CARNMT1: variants seen among roughly 807,000 people sequenced by gnomAD.
The protein encoded by CARNMT1 is protein-L-histidine N-pros-methyltransferase CARNMT1.
In CARNMT1, 28 loss-of-function variants were observed where a neutral mutation model predicts 49.6. That is an observed-to-expected ratio of 0.56 (90% CI 0.42 to 0.77). CARNMT1 has a LOEUF of 0.77. Among genes scored for constraint, CARNMT1 ranks in the 30% least tolerant of loss-of-function variants. The pLI is 0.00. For synonymous variants in CARNMT1, 178 were observed against 175.0 expected, an observed-to-expected ratio of 1.02 and a Z score of -0.13; for missense variants, 421 against 512.6, an observed-to-expected ratio of 0.82 and a Z score of 1.73.
chr9:75,001,019 G>A (rs35901445), intron 3 of CARNMT1, among the ~76,000 whole-genome samples: 4,899 of 151,918 alleles, frequency 0.032, 278 homozygotes, highest in East Asian at 0.26. Flanking sequence ...CAGACCCACC[G>A]AAACCCCTAC....
At chr9:74,992,269 C>T (rs1287671009) in intron 6 of CARNMT1, among the ~76,000 whole-genome samples, 1 of 149,072 alleles carries the variant, frequency 6.7e-6, no homozygotes, top group Non-Finnish European at 1.5e-5. Flanking sequence ...GAGACTCCAT[C>T]TAAAAAAAAA....
rs11144182 is a variant in CARNMT1 at position 75,000,123 on chromosome 9, C to G, written c.591-253G>C. ...AGAAAAAAGGAGTCCCCTTACATCT[C>G]AAGACTTATAAAGTCACTCATATTC... On this transcript the variant is annotated intron_variant, in intron 3 of 7. Coordinates refer to ENST00000376834, the MANE Select transcript of CARNMT1 (RefSeq NM_152420.3). 0.36 allele frequency among the ~76,000 whole-genome samples: 55,143 copies of G among 151,904 alleles called. 10,365 individuals are homozygous for G. Among genetic ancestry groups the G allele is most frequent in the East Asian group, 0.47 (2,406 of 5,166 alleles).
intron 2 of CARNMT1, chr9:75,016,701 T>A (rs963311430): frequency 8.3e-6 from 3 of 359,856 alleles, no homozygotes; most frequent in African/African-American, 6.3e-5. Flanking sequence ...ACTGAGCTGC[T>A]ATGGAGACCG....
intron 3 of CARNMT1, among the ~76,000 whole-genome samples, chr9:75,001,321 A>G (rs1833346835): frequency 6.6e-6 from 1 of 152,212 alleles, no homozygotes; most frequent in Admixed American, 6.5e-5. Context: ...ACATAATGTT[A>G]ACAACAATTA....
intron 1 of CARNMT1, among the ~76,000 whole-genome samples, chr9:75,023,012 T>C (rs747035832): frequency 2.2e-4 from 34 of 151,626 alleles, no homozygotes; most frequent in Admixed American, 5.9e-4. Flanking sequence ...CATGGTGGCA[T>C]GCGCCTGTAA....
chr9:75,015,545 G>A (rs1833819578), intron 3 of CARNMT1, among the ~76,000 whole-genome samples: 1 of 151,970 alleles, frequency 6.6e-6, no homozygotes, highest in Non-Finnish European at 1.5e-5. Flanking sequence ...CAGCACTTTG[G>A]GAGGAAGACA....
Position 74,983,771 on chromosome 9 carries a change from T to A in CARNMT1, c.1226A>T (p.Gln409Leu), listed in dbSNP as rs773375247. 2 of 1,592,264 alleles carry A rather than the reference T, an allele frequency of 1.3e-6. No individual in the cohort carries two copies. The highest frequency in any genetic ancestry group is 1.7e-6 in the Non-Finnish European group (2 of 1,166,958). ...AGGTGGTATCACTTGAGACCATTAT[T>A]GTGGCTTACGGACCACAAACAAGAC... ...ECVLFVVRKP[Q>L] Residue 409 changes from glutamine to leucine, a missense_variant, in exon 8 of 8, where the codon CAA (glutamine) becomes CTA (leucine). Around this residue, in one of 2 missense-constraint regions of CARNMT1, gnomAD observed 235 missense variants for 344.8 expected, o/e 0.68. Coordinates refer to ENST00000376834, the MANE Select transcript of CARNMT1 (RefSeq NM_152420.3).
chr9:75,015,787 A>AAAT (rs1833829190), intron 3 of CARNMT1: 2 of 149,044 alleles, frequency 1.3e-5, no homozygotes, highest in African/African-American at 4.9e-5. Context: ...CTGTCTCAAA[A>AAAT]AAATAAATAA....
intron 6 of CARNMT1, among the ~76,000 whole-genome samples, chr9:74,993,016 C>T (rs1833075329): frequency 6.6e-6 from 1 of 152,184 alleles, no homozygotes; most frequent in African/African-American, 2.4e-5. Flanking sequence ...CTCTTCGAGA[C>T]ATCTTAGTAT....
intron 6 of CARNMT1, among the ~76,000 whole-genome samples, chr9:74,989,251 C>T (rs1016943469): frequency 2.6e-5 from 4 of 152,060 alleles, no homozygotes; most frequent in African/African-American, 4.8e-5. Context: ...GCTGGGACTA[C>T]AGGCACAGGC....
intron 3 of CARNMT1, among the ~76,000 whole-genome samples, chr9:75,000,227 G>A (rs1272392224): frequency 1.3e-5 from 2 of 152,004 alleles, no homozygotes; most frequent in African/African-American, 2.4e-5. Flanking sequence ...TGAAGAGTTT[G>A]AACAAAAGTA....
rs1475559640 is a variant in CARNMT1 at position 74,981,150 on chromosome 9, T to C, written c.*2617A>G. 2.6e-5 allele frequency: 4 copies of C among 152,150 alleles called. No homozygotes were observed. Among genetic ancestry groups the C allele is most frequent in the African/African-American group, 9.7e-5 (4 of 41,444 alleles). The allele number at this position is 152,150 out of a possible 1,614,324, so 9.4% of individuals were successfully genotyped here. On this transcript the variant is annotated 3_prime_UTR_variant, in exon 8 of 8. Transcript: ENST00000376834. ...TTGTGGCAACTTTTAGAATGAGAGT[T>C]ACATATAAATACAGTACATTTTACA...
chr9:75,016,272 T>G lies in CARNMT1; in HGVS notation c.586A>C (p.Arg196=). The change falls in exon 3 of 8, where the codon AGA becomes CGA. Residue 196 remains arginine (R), a synonymous_variant. Transcript: ENST00000376834. ...TAAAAATGAGGTACTATTTACCATC[T>G]CTCTTTTGGAAAATTTTTTAAAATT... ...KEILKNFPKE[R]WDPSKVNILV... The G allele has an allele frequency of 6.2e-7, 1 of 1,612,016 alleles. No individual in the cohort carries two copies. Among genetic ancestry groups the G allele is most frequent in the South Asian group, 1.1e-5 (1 of 90,678 alleles).
At chr9:74,995,415 A>C (rs984465083) in intron 6 of CARNMT1, among the ~76,000 whole-genome samples, 1 of 152,168 alleles carries the variant, frequency 6.6e-6, no homozygotes, top group Non-Finnish European at 1.5e-5. Flanking sequence ...CCAGTAGGTA[A>C]TATCTTTCCA....
At chr9:74,984,248 C>T (rs752111772) in intron 7 of CARNMT1, among the ~76,000 whole-genome samples, 4 of 152,122 alleles carry the variant, frequency 2.6e-5, no homozygotes, top group Non-Finnish European at 5.9e-5. Flanking sequence ...AAAGATGAAG[C>T]AGTACACAAG....
At chr9:75,026,912 TAA>T (rs1193768993) in intron 1 of CARNMT1, 6 of 333,352 alleles carry the variant, frequency 1.8e-5, no homozygotes, top group Non-Finnish European at 2.4e-5. Flanking sequence ...GACATAAAAA[TAA>T]AAAAGACTCA....
intron 3 of CARNMT1, among the ~76,000 whole-genome samples, chr9:75,001,148 A>G (rs1433843780): frequency 6.6e-6 from 1 of 152,176 alleles, no homozygotes; most frequent in Non-Finnish European, 1.5e-5. Flanking sequence ...TTATCTGATC[A>G]AACTCATGCA....
At chr9:74,985,088 G>A (rs1228163314) in intron 6 of CARNMT1, 78 bp from the exon 7 acceptor site, 37 of 1,050,660 alleles carry the variant, frequency 3.5e-5, no homozygotes, top group Non-Finnish European at 4.8e-5. Flanking sequence ...TCCAAGTTGA[G>A]TAAGTTAGGT....
Position 74,983,733 on chromosome 9 carries a change from T to G in CARNMT1, c.*34A>C, listed in dbSNP as rs767308536. Reference sequence around the variant, plus strand: ...CGTTGATTTCAGCATTTGTTCTTACTAAACTTTTTTCCAGGTGGTATCACT... The same window carrying G: ...CGTTGATTTCAGCATTTGTTCTTACGAAACTTTTTTCCAGGTGGTATCACT... On this transcript the variant is annotated 3_prime_UTR_variant, in exon 8 of 8. Transcript: ENST00000376834. 6.7e-5 allele frequency: 90 copies of G among 1,338,866 alleles called. No individual in the cohort carries two copies. Among genetic ancestry groups the G allele is most frequent in the Non-Finnish European group, 9.1e-5 (87 of 957,160 alleles). The allele number at this position is 1,338,866 out of a possible 1,614,324, so 82.9% of individuals were successfully genotyped here. A position where few individuals can be genotyped will look rare whatever the true frequency, so the allele number is the denominator to read the frequency against.
Sources: gnomAD v4.1 joint callset for allele counts (sites outside exome capture counted in the v4.1 genomes callset) on GRCh38, gnomAD v4.1.1 for gene constraint, gnomAD v4.1.1 regional missense constraint, MANE v1.5 for transcripts, NCBI Gene and HGNC (gene_info 2026-07-23, HGNC 2026-07-21) for gene names.